Variants in SUPT5H observed in about 807,000 individuals in gnomAD.
The protein encoded by SUPT5H is transcription elongation factor SPT5.
In SUPT5H, 24 loss-of-function variants were observed where a neutral mutation model predicts 142.5. The observed-to-expected ratio is 0.17, with a 90% confidence interval of 0.12 to 0.24. The LOEUF (loss-of-function observed/expected upper bound fraction) is 0.24, where lower values mean the gene tolerates loss of function less well. SUPT5H is among the 10% of genes least tolerant of loss of function. The pLI is 1.00. For synonymous variants in SUPT5H, 546 were observed against 553.0 expected, an observed-to-expected ratio of 0.99 and a Z score of 0.18; for missense variants, 893 against 1,471.8, an observed-to-expected ratio of 0.61 and a Z score of 6.43.
chr19:39,458,602 C>T lies in SUPT5H; in HGVS notation c.320-216C>T, dbSNP rs1267083113. On this transcript the variant is annotated intron_variant, in intron 5 of 29. Transcript: ENST00000432763. The surrounding 1 kb of genome is among the most constrained non-coding windows in gnomAD (Gnocchi z 4.2). ...CTTTGAGATGGGAACAGCTGGAAGC[C>T]CCCCAACTTGCTGGGCCCCATCCCC... 5.8e-6 allele frequency: 4 copies of T among 692,804 alleles called. No individual in the cohort carries two copies. The East Asian group carries it at 8.2e-5, about 14-fold the overall frequency. 42.9% of individuals were successfully genotyped at this position (692,804 alleles called of 1,614,324 possible).
At chr19:39,462,340 A>G (rs2079173815) in intron 10 of SUPT5H, among the ~76,000 whole-genome samples, 1 of 151,992 alleles carries the variant, frequency 6.6e-6, no homozygotes, top group South Asian at 2.1e-4. Context: ...ATTAGTCATC[A>G]CTCCCCATTC....
chr19:39,469,524 G>T lies in SUPT5H; in HGVS notation c.1374+126G>T, dbSNP rs1283781735. 2 of 1,373,380 alleles carry T rather than the reference G, an allele frequency of 1.5e-6. No individual in the cohort carries two copies. Among genetic ancestry groups the T allele is most frequent in the Non-Finnish European group, 2.0e-6 (2 of 1,004,200 alleles). 85.1% of individuals were successfully genotyped at this position (1,373,380 alleles called of 1,614,324 possible). ...AGGAGGGTAAGTTGAGGCCCTTCTAGCATTCTCAGGTGCCTGAGAGGCTCT... is the reference window on the plus strand; with the variant it reads ...AGGAGGGTAAGTTGAGGCCCTTCTATCATTCTCAGGTGCCTGAGAGGCTCT... On this transcript the variant is annotated intron_variant, in intron 16 of 29. Coordinates refer to ENST00000432763, the MANE Select transcript of SUPT5H (RefSeq NM_001111020.3). The surrounding 1 kb of genome is among the most constrained non-coding windows in gnomAD (Gnocchi z 5.1).
chr19:39,474,540 G>C lies in SUPT5H; in HGVS notation c.2846G>C (p.Gly949Ala). Residue 949 changes from glycine to alanine, a missense_variant, in exon 28 of 30, where the codon GGC becomes GCC. Physicochemically the swap from Gly to Ala is moderately conservative, Grantham distance 60 (BLOSUM62 0). Transcript: ENST00000432763. This position sits in a 1 kb window ranked among gnomAD's most constrained non-coding sequence, Gnocchi z 6.5. Reference sequence around the variant, plus strand: ...GCTAGCCCCAGCCCGAGCCCCGTTGGCTACAGTCCTATGACACCTGGAGCT... The same window carrying C: ...GCTAGCCCCAGCCCGAGCCCCGTTGCCTACAGTCCTATGACACCTGGAGCT... ...YQASPSPSPV[G>A]YSPMTPGAPS... is the part of the protein sequence containing the mutation. 1 of 1,614,190 alleles carries C rather than the reference G, an allele frequency of 6.2e-7. No individual in the cohort carries two copies. The highest frequency in any genetic ancestry group is 8.5e-7 in the Non-Finnish European group (1 of 1,180,028).
chr19:39,471,944 C>T (rs1044234328), intron 20 of SUPT5H: 99 of 712,780 alleles, frequency 1.4e-4, no homozygotes, highest in Middle Eastern at 8.3e-4. Flanking sequence ...TTACTGAGCA[C>T]CTGTTAGGTG....
At chr19:39,446,273 AG>A (rs1352692193) in intron 2 of SUPT5H, among the ~76,000 whole-genome samples, 1 of 152,056 alleles carries the variant, frequency 6.6e-6, no homozygotes, top group Non-Finnish European at 1.5e-5. Flanking sequence ...CTATATTTGT[AG>A]TGCCTACTAT....
Position 39,469,935 on chromosome 19 carries a change from TG to T in SUPT5H, c.1375-180del. Reference sequence around the variant, plus strand: ...GTTGTCCAGGTTGGTGTCCTGTGTCTGGGGTCAGCTGTTTCTGGGGCAGTCT... The same window carrying T: ...GTTGTCCAGGTTGGTGTCCTGTGTCTGGGTCAGCTGTTTCTGGGGCAGTCT... On this transcript the variant is annotated intron_variant, in intron 16 of 29. Transcript: ENST00000432763. This position sits in a 1 kb window ranked among gnomAD's most constrained non-coding sequence, Gnocchi z 5.1. 1.4e-6 allele frequency: 1 copy of T among 720,536 alleles called. No individual in the cohort carries two copies. Among genetic ancestry groups the T allele is most frequent in the Non-Finnish European group, 2.2e-6 (1 of 448,376 alleles). The allele number at this position is 720,536 out of a possible 1,614,324, so 44.6% of individuals were successfully genotyped here.
chr19:39,470,438 G>C lies in SUPT5H; in HGVS notation c.1592G>C (p.Gly531Ala). ...CSETASGVDV[G>A]GQHEWGELVQ... ...GAGACAGCATCAGGTGTGGATGTTG[G>C]GGGCCAGCATGAATGGGGCGAGCTG... is the stretch of plus-strand genomic sequence containing the variant. Residue 531 changes from glycine to alanine, a missense_variant, in exon 18 of 30, where the codon GGG (glycine) becomes GCG (alanine). Coordinates refer to ENST00000432763, the MANE Select transcript of SUPT5H (RefSeq NM_001111020.3). This position sits in a 1 kb window ranked among gnomAD's most constrained non-coding sequence, Gnocchi z 5.8. 1 of 1,608,132 alleles carries C rather than the reference G, an allele frequency of 6.2e-7. No homozygotes were observed. The highest frequency in any genetic ancestry group is 8.5e-7 in the Non-Finnish European group (1 of 1,176,692).
In SUPT5H at chr19:39,474,441, A is replaced by G. The variant is rs1410094307; in HGVS notation, c.2820+39A>G. On this transcript the variant is annotated intron_variant, in intron 27 of 29. Coordinates refer to ENST00000432763, the MANE Select transcript of SUPT5H (RefSeq NM_001111020.3). This position sits in a 1 kb window ranked among gnomAD's most constrained non-coding sequence, Gnocchi z 6.5. ...TGCCTGCCCTGAAGGGTGGTGGGCT[A>G]GGGTGACTTTGGGCATATAGGGTCG... 1 of 1,610,538 alleles carries G rather than the reference A, an allele frequency of 6.2e-7. No individual in the cohort carries two copies. Among genetic ancestry groups the G allele is most frequent in the South Asian group, 1.1e-5 (1 of 90,926 alleles).
chr19:39,463,469 C>G (rs959436139), intron 10 of SUPT5H, among the ~76,000 whole-genome samples: 7 of 152,052 alleles, frequency 4.6e-5, no homozygotes, highest in Non-Finnish European at 1.0e-4. Context: ...GGAGAATATA[C>G]TTTATATGAT....
chr19:39,462,698 T>G (rs951932292), intron 10 of SUPT5H, among the ~76,000 whole-genome samples: 9 of 150,836 alleles, frequency 6.0e-5, no homozygotes. Context: ...GCCTGGCTAA[T>G]TTTTGTGTTT....
chr19:39,452,600 G>T (rs2079034593), intron 2 of SUPT5H, among the ~76,000 whole-genome samples: 1 of 152,154 alleles, frequency 6.6e-6, no homozygotes, highest in African/African-American at 2.4e-5. Flanking sequence ...TTAGCAACAG[G>T]GGTGGCCAGT....
At position 39,472,361 on chromosome 19, in the gene SUPT5H, G is replaced by T; in HGVS notation, c.1951-48G>T. 1 of 1,584,006 alleles carries T rather than the reference G, an allele frequency of 6.3e-7. No individual in the cohort carries two copies. Among genetic ancestry groups the T allele is most frequent in the Non-Finnish European group, 8.7e-7 (1 of 1,153,972 alleles). On this transcript the variant is annotated intron_variant, in intron 20 of 29. Coordinates refer to ENST00000432763, the MANE Select transcript of SUPT5H (RefSeq NM_001111020.3). This position sits in a 1 kb window ranked among gnomAD's most constrained non-coding sequence, Gnocchi z 4.2. Reference sequence around the variant, plus strand: ...GGGATGATGAGTTCCTGTGGTTTGTGGTTCCCCCATCCCCTGCCTGCCAGT... The same window carrying T: ...GGGATGATGAGTTCCTGTGGTTTGTTGTTCCCCCATCCCCTGCCTGCCAGT...
chr19:39,445,854 G>A lies in SUPT5H; in HGVS notation c.-37G>A. 6.2e-7 allele frequency: 1 copy of A among 1,608,330 alleles called. No homozygotes were observed. Among genetic ancestry groups the A allele is most frequent in the Non-Finnish European group, 8.5e-7 (1 of 1,177,854 alleles). On this transcript the variant is annotated 5_prime_UTR_variant, in exon 2 of 30. Transcript: ENST00000432763. ...GGGGTGGAGCGCAGGATTGTGGGAC[G>A]CGCCAAGGCTGCTGTCTTTCCCAGC... is the stretch of plus-strand genomic sequence containing the variant.
intron 2 of SUPT5H, among the ~76,000 whole-genome samples, chr19:39,451,445 G>A (rs2079021204): frequency 6.6e-6 from 1 of 151,758 alleles, no homozygotes; most frequent in African/African-American, 2.4e-5. Context: ...ATCCGCGCGA[G>A]CCACCGCGCC....
In SUPT5H at chr19:39,466,060, T is replaced by A. The variant is rs1416122124; in HGVS notation, c.877-420T>A. Among the ~76,000 whole-genome samples, 1 of 151,974 alleles carries A rather than the reference T, an allele frequency of 6.6e-6. No homozygotes were observed. Among genetic ancestry groups the A allele is most frequent in the Non-Finnish European group, 1.5e-5 (1 of 67,992 alleles). ...TGGATTTGGAATGCTGAGACTGCAG[T>A]GGAGGAGGGGAAGAGGTCAGGTATT... On this transcript the variant is annotated intron_variant, in intron 11 of 29. Coordinates refer to ENST00000432763, the MANE Select transcript of SUPT5H (RefSeq NM_001111020.3). This position sits in a 1 kb window ranked among gnomAD's most constrained non-coding sequence, Gnocchi z 4.3.
At chr19:39,449,236 C>T (rs1175049774) in intron 2 of SUPT5H, among the ~76,000 whole-genome samples, 2 of 151,938 alleles carry the variant, frequency 1.3e-5, no homozygotes, top group Admixed American at 6.6e-5. Context: ...AGAGCACATC[C>T]AAGCCCTGAG....
At position 39,445,886 on chromosome 19, in the gene SUPT5H, G is replaced by A; in HGVS notation, c.-5G>A. 6.2e-7 allele frequency: 1 copy of A among 1,613,502 alleles called. No homozygotes were observed. ...GGCTGCTGTCTTTCCCAGCAGCAGC[G>A]GAAGATGTCGGACAGCGAGGACAGC... is the stretch of plus-strand genomic sequence containing the variant. On this transcript the variant is annotated 5_prime_UTR_variant, in exon 2 of 30. Coordinates refer to ENST00000432763, the MANE Select transcript of SUPT5H (RefSeq NM_001111020.3).
At chr19:39,453,548 G>C in intron 3 of SUPT5H, 27 bp downstream of exon 3, 2 of 1,475,864 alleles carry the variant, frequency 1.4e-6, no homozygotes, top group Non-Finnish European at 1.8e-6. Context: ...GGCCAGTGCC[G>C]AGCAGAGGCT....
chr19:39,458,433 A>T lies in SUPT5H; in HGVS notation c.319+128A>T. 6.6e-7 allele frequency: 1 copy of T among 1,504,320 alleles called. No homozygotes were observed. The allele number at this position is 1,504,320 out of a possible 1,614,324, so 93.2% of individuals were successfully genotyped here. The stretch of plus-strand genomic sequence containing the variant: ...GGTCTGGCCCTGAGGGCTCTGACCC[A>T]TGTAGGATCCAGAGTCAGGGAGTTC... On this transcript the variant is annotated intron_variant, in intron 5 of 29. Transcript: ENST00000432763. This position sits in a 1 kb window ranked among gnomAD's most constrained non-coding sequence, Gnocchi z 4.2.
Sources: gnomAD v4.1 joint callset for allele counts (sites outside exome capture counted in the v4.1 genomes callset) on GRCh38, gnomAD v4.1.1 for gene constraint, Gnocchi (gnomAD v3.1) non-coding constraint, MANE v1.5 for transcripts, NCBI Gene and HGNC (gene_info 2026-07-23, HGNC 2026-07-21) for gene names.